TRPC6: variants seen among roughly 807,000 people sequenced by gnomAD.
The protein encoded by TRPC6 is short transient receptor potential channel 6.
TRPC6 carries 55 observed loss-of-function variants against 90.7 expected under a neutral mutation model. The observed-to-expected ratio is 0.61, with a 90% CI of 0.49 to 0.76. The LOEUF is 0.76. TRPC6 is among the 30% of genes least tolerant of loss of function. The pLI, the probability that TRPC6 is intolerant of heterozygous loss-of-function variation, is 0.00. For missense variants in TRPC6, 989 were observed against 1,122.7 expected (o/e 0.88, Z 1.70); for synonymous variants, 393 against 393.0 (o/e 1.00, Z 0.00).
At chr11:101,553,328 A>G (rs72974356) in intron 1 of TRPC6, among the ~76,000 whole-genome samples, 35,540 of 149,372 alleles carry the variant, frequency 0.24, 5,298 homozygotes, top group Non-Finnish European at 0.34. Context: ...ATTTTTTTTT[A>G]ATTTTTCTTT....
At chr11:101,481,506 TA>T (rs75588138) in intron 5 of TRPC6, among the ~76,000 whole-genome samples, 110,095 of 151,936 alleles carry the variant, frequency 0.72, 41,269 homozygotes, top group East Asian at 0.97. Context: ...ACCTAAACTT[TA>T]ATCAGCTTTT....
intron 2 of TRPC6, among the ~76,000 whole-genome samples, chr11:101,494,761 T>C (rs377347765): frequency 6.6e-6 from 1 of 152,198 alleles, no homozygotes; most frequent in Admixed American, 6.5e-5. Flanking sequence ...TTAATAACCT[T>C]AATCTATAAA....
At chr11:101,498,480 T>C (rs1246386835) in intron 2 of TRPC6, among the ~76,000 whole-genome samples, 1 of 152,096 alleles carries the variant, frequency 6.6e-6, no homozygotes, top group Non-Finnish European at 1.5e-5. Flanking sequence ...GCTATACATG[T>C]GGTGATATGA....
intron 1 of TRPC6, among the ~76,000 whole-genome samples, chr11:101,571,915 C>G (rs886274439): frequency 2.0e-5 from 3 of 152,146 alleles, no homozygotes; most frequent in African/African-American, 7.2e-5. Flanking sequence ...ACCATAAAAA[C>G]CCTAGAAGAA....
rs750881811 is a variant in TRPC6 at position 101,504,497 on chromosome 11, G to A, written c.472C>T (p.Leu158Phe). Residue 158 changes from leucine (L) to phenylalanine (F), a missense_variant, in exon 2 of 13, where the codon CTC becomes TTC. By Grantham distance (22) the Leu-to-Phe change is conservative (BLOSUM62 0). This residue lies in a region of TRPC6 where 486 missense variants were observed against 591.9 expected (regional missense o/e 0.82). Coordinates refer to ENST00000344327, the MANE Select transcript of TRPC6 (RefSeq NM_004621.6). ...ITELLLKKEN[L>F]SRVGDALLLA... ...AGCAAAGCATCCCCAACTCGAGAGA[G>A]GTTTTCTTTCTTGAGAAGAAGTTCT... 8 of 1,614,086 alleles carry A rather than the reference G, an allele frequency of 5.0e-6. No individual in the cohort carries two copies. In the South Asian group the frequency reaches 8.8e-5, roughly 18 times the overall value.
At position 101,527,579 on chromosome 11, in the gene TRPC6, T is replaced by C. The variant is rs955785752; in HGVS notation, c.171-22781A>G. Among the ~76,000 whole-genome samples the C allele has an allele frequency of 2.6e-5, 4 of 152,340 alleles. No individual in the cohort carries two copies. In the South Asian group the frequency reaches 8.3e-4, roughly 32 times the overall value. ...TTGGGGGGTGGTGTGCACACATGCA[T>C]GTTATTTAATTCTTTTCATGGACAT... is the stretch of plus-strand genomic sequence containing the variant. On this transcript the variant is annotated intron_variant, in intron 1 of 12. Coordinates refer to ENST00000344327, the MANE Select transcript of TRPC6 (RefSeq NM_004621.6).
intron 1 of TRPC6, among the ~76,000 whole-genome samples, chr11:101,513,421 C>G (rs530339706): frequency 6.6e-6 from 1 of 152,088 alleles, no homozygotes; most frequent in African/African-American, 2.4e-5. Context: ...ACTCCTTGCT[C>G]GGGTGATGGG....
intron 4 of TRPC6, among the ~76,000 whole-genome samples, chr11:101,486,084 CTTGTTTTGTTTTGTT>C (rs10567537): frequency 3.3e-5 from 5 of 151,228 alleles, no homozygotes; most frequent in Non-Finnish European, 5.9e-5. Context: ...TTGGTGTTTT[CTTGTTTTGTTTTGTT>C]TTGTTTTGTT....
At chr11:101,582,699 G>A (rs532089708) in intron 1 of TRPC6, among the ~76,000 whole-genome samples, 10 of 152,166 alleles carry the variant, frequency 6.6e-5, no homozygotes, top group Admixed American at 3.9e-4. Flanking sequence ...CAGACGCCCC[G>A]GGTGAAAAGG....
intron 1 of TRPC6, among the ~76,000 whole-genome samples, chr11:101,529,680 T>C (rs78845002): frequency 0.015 from 2,344 of 152,332 alleles, 29 homozygotes; most frequent in Middle Eastern, 0.034. Context: ...AACATGTTTT[T>C]ATAAATAATA....
At chr11:101,549,450 A>G (rs1484478038) in intron 1 of TRPC6, among the ~76,000 whole-genome samples, 2 of 151,824 alleles carry the variant, frequency 1.3e-5, no homozygotes, top group Admixed American at 6.6e-5. Context: ...CCAAGAAAAT[A>G]GCAAAAAGGC....
chr11:101,564,599 C>A (rs1861788382), intron 1 of TRPC6, among the ~76,000 whole-genome samples: 1 of 152,092 alleles, frequency 6.6e-6, no homozygotes, highest in Non-Finnish European at 1.5e-5. Context: ...GAAAGATATT[C>A]CATGCTCATG....
Position 101,549,049 on chromosome 11 carries a change from C to A in TRPC6, c.170+34285G>T, listed in dbSNP as rs115878166. ...TTTGATGTTTCATGTTCAAATATCA[C>A]TTTTTAAAATTAAAGACAATCCAAT... On this transcript the variant is annotated intron_variant, in intron 1 of 12. Coordinates refer to ENST00000344327, the MANE Select transcript of TRPC6 (RefSeq NM_004621.6). Among the ~76,000 whole-genome samples the A allele has an allele frequency of 6.9e-3, 1,053 of 151,794 alleles. 18 individuals carry two copies. The highest frequency in any genetic ancestry group is 0.023 in the African/African-American group (955 of 41,432).
chr11:101,491,002 T>C (rs562399867), intron 3 of TRPC6, among the ~76,000 whole-genome samples: 1 of 152,326 alleles, frequency 6.6e-6, no homozygotes, highest in Non-Finnish European at 1.5e-5. Context: ...CATTGTTATA[T>C]CATTAGCACA....
chr11:101,476,232 C>G, intron 6 of TRPC6, 69 bp downstream of exon 6: 1 of 1,311,932 alleles, frequency 7.6e-7, no homozygotes, highest in Non-Finnish European at 1.1e-6. Flanking sequence ...AGTAACCGAA[C>G]TACTACTGAC....
chr11:101,520,480 C>A (rs7938806), intron 1 of TRPC6, among the ~76,000 whole-genome samples: 74,344 of 151,980 alleles, frequency 0.49, 18,551 homozygotes, highest in African/African-American at 0.55. Context: ...ATACCTAAAA[C>A]TGTAAAAGCA....
chr11:101,455,013 C>T lies in TRPC6; in HGVS notation c.2568+5G>A, dbSNP rs1161999562. ...AGTTTTATTCCTTTAAAAATCCATG[C>T]TTACCTGATATTGTCTTGGAGGATT... On this transcript the variant is annotated splice_donor_5th_base_variant and intron_variant, in intron 11 of 12. Transcript: ENST00000344327. 3 of 1,607,006 alleles carry T rather than the reference C, an allele frequency of 1.9e-6. No homozygotes were observed. The highest frequency in any genetic ancestry group is 2.6e-6 in the Non-Finnish European group (3 of 1,174,546).
intron 10 of TRPC6, among the ~76,000 whole-genome samples, chr11:101,469,163 T>C (rs1186025282): frequency 1.3e-5 from 2 of 152,220 alleles, no homozygotes; most frequent in Non-Finnish European, 2.9e-5. Context: ...CCCTTCTTTA[T>C]ATCACCAGTC....
At chr11:101,481,750 C>CTCTT (rs1859557562) in intron 5 of TRPC6, among the ~76,000 whole-genome samples, 1 of 152,180 alleles carries the variant, frequency 6.6e-6, no homozygotes, top group African/African-American at 2.4e-5. Flanking sequence ...AGCCTCTGGA[C>CTCTT]TCTTTAAAGC....
Sources: gnomAD v4.1 joint callset for allele counts (sites outside exome capture counted in the v4.1 genomes callset) on GRCh38, gnomAD v4.1.1 for gene constraint, gnomAD v4.1.1 regional missense constraint, MANE v1.5 for transcripts, NCBI Gene and HGNC (gene_info 2026-07-23, HGNC 2026-07-21) for gene names.